CADPS: variants seen among roughly 807,000 people sequenced by gnomAD.
CADPS encodes the protein calcium-dependent secretion activator 1.
Under a neutral mutation model 167.3 loss-of-function variants are expected in CADPS, and 57 were observed. The observed-to-expected ratio is 0.34, with a 90% confidence interval of 0.28 to 0.42. CADPS has a LOEUF of 0.42. Ranked by LOEUF, CADPS falls within the 20% of genes least tolerant of loss-of-function variation. CADPS has a pLI of 1.00. For synonymous variants in CADPS, 676 were observed against 635.3 expected (o/e 1.06, Z -0.96); for missense variants, 1,414 against 1,738.1 (o/e 0.81, Z 3.32).
intron 26 of CADPS, among the ~76,000 whole-genome samples, chr3:62,447,588 G>A (rs2057407910): frequency 6.6e-6 from 1 of 152,336 alleles, no homozygotes; most frequent in South Asian, 2.1e-4. Context: ...GGGAAGCAAT[G>A]AGAGAAAGCT....
chr3:62,645,117 T>C (rs1356611280), intron 6 of CADPS, among the ~76,000 whole-genome samples: 1 of 152,154 alleles, frequency 6.6e-6, no homozygotes, highest in Non-Finnish European at 1.5e-5. Flanking sequence ...CCAAATATCA[T>C]ATGTTCTCAC....
chr3:62,453,725 T>C (rs1282438894), intron 26 of CADPS, among the ~76,000 whole-genome samples: 1 of 152,130 alleles, frequency 6.6e-6, no homozygotes, highest in Non-Finnish European at 1.5e-5. Context: ...TTCCAATACT[T>C]TCTGAGGACT....
intron 3 of CADPS, among the ~76,000 whole-genome samples, chr3:62,694,194 A>G (rs2079825689): frequency 6.6e-6 from 1 of 152,090 alleles, no homozygotes; most frequent in Admixed American, 6.6e-5. Context: ...CTATGGCAAT[A>G]ATATTAAGAT....
rs185182229 is a variant in CADPS at position 62,732,229 on chromosome 3, C to T, written c.888+21212G>A. Among the ~76,000 whole-genome samples the T allele has an allele frequency of 2.0e-5, 3 of 152,268 alleles. No individual in the cohort carries two copies. In the East Asian group the frequency reaches 5.8e-4, roughly 29 times the overall value. On this transcript the variant is annotated intron_variant, in intron 3 of 29. Coordinates refer to ENST00000383710, the MANE Select transcript of CADPS (RefSeq NM_003716.4). ...CTAACAAATCAGATACAGCAAAAGC[C>T]GTGGAATGTCACTTCAGTGATTAGG...
At chr3:62,815,854 C>T (rs1032996397) in intron 1 of CADPS, among the ~76,000 whole-genome samples, 10 of 152,036 alleles carry the variant, frequency 6.6e-5, no homozygotes, top group Non-Finnish European at 1.5e-4. Flanking sequence ...AGCAAATTTA[C>T]TTAAAAGAAG....
intron 6 of CADPS, among the ~76,000 whole-genome samples, chr3:62,630,784 T>G (rs2065128654): frequency 6.6e-6 from 1 of 152,186 alleles, no homozygotes; most frequent in South Asian, 2.1e-4. Flanking sequence ...AATAACATGT[T>G]ATAATGCTGA....
intron 3 of CADPS, among the ~76,000 whole-genome samples, chr3:62,711,204 C>G (rs564219821): frequency 8.5e-4 from 129 of 152,258 alleles, no homozygotes; most frequent in Non-Finnish European, 1.4e-3. Flanking sequence ...TTTTAAACAT[C>G]ATTTTTAATA....
intron 3 of CADPS, among the ~76,000 whole-genome samples, chr3:62,683,128 T>C (rs2077418519): frequency 6.6e-6 from 1 of 151,952 alleles, no homozygotes. Flanking sequence ...CCAAGTTGTG[T>C]GTGGGGTCTT....
At chr3:62,664,761 G>C (rs1358882824) in intron 3 of CADPS, among the ~76,000 whole-genome samples, 2 of 152,164 alleles carry the variant, frequency 1.3e-5, no homozygotes, top group Non-Finnish European at 2.9e-5. Flanking sequence ...ACAGAAGTGG[G>C]AAAATACAGC....
intron 17 of CADPS, among the ~76,000 whole-genome samples, chr3:62,505,954 A>G (rs2151424737): frequency 6.6e-6 from 1 of 152,342 alleles, no homozygotes; most frequent in Non-Finnish European, 1.5e-5. Flanking sequence ...CAGTATACAT[A>G]CAAACTACAC....
chr3:62,792,519 A>G (rs531927457), intron 1 of CADPS, among the ~76,000 whole-genome samples: 142 of 152,110 alleles, frequency 9.3e-4, no homozygotes, highest in Middle Eastern at 6.8e-3. Flanking sequence ...TAACTTTTAA[A>G]TGTCATGTCC....
intron 3 of CADPS, among the ~76,000 whole-genome samples, chr3:62,721,113 G>A (rs1407610249): frequency 4.8e-5 from 5 of 105,216 alleles, no homozygotes; most frequent in Admixed American, 1.7e-4. Context: ...CACCGTGCCC[G>A]GCAGGTTTTT....
At chr3:62,573,174 G>A (rs946407918) in intron 8 of CADPS, among the ~76,000 whole-genome samples, 26 of 152,216 alleles carry the variant, frequency 1.7e-4, no homozygotes, top group Non-Finnish European at 2.8e-4. Flanking sequence ...GAGGTACCTC[G>A]CCTGGCCCCT....
At chr3:62,685,721 A>G (rs994310870) in intron 3 of CADPS, among the ~76,000 whole-genome samples, 1 of 124 alleles carries the variant, frequency 8.1e-3, no homozygotes, top group African/African-American at 0.036. Context: ...TGGTTTCGGG[A>G]TGAAACTCTT....
chr3:62,557,538 G>A, intron 9 of CADPS, 25 bp from the exon 10 acceptor site: 2 of 1,561,914 alleles, frequency 1.3e-6, no homozygotes, highest in Non-Finnish European at 1.8e-6. Context: ...CAGATTGTGA[G>A]GTTGACCCCT....
At chr3:62,627,768 T>C (rs1034221167) in intron 6 of CADPS, among the ~76,000 whole-genome samples, 45 of 152,148 alleles carry the variant, frequency 3.0e-4, no homozygotes, top group African/African-American at 1.1e-3. Context: ...CGCTCGAGTC[T>C]GCCTTTGTTC....
At chr3:62,671,637 A>T (rs1043040159) in intron 3 of CADPS, among the ~76,000 whole-genome samples, 12 of 152,138 alleles carry the variant, frequency 7.9e-5, no homozygotes, top group Non-Finnish European at 1.5e-4. Flanking sequence ...TCTGATACAA[A>T]GCAGTTCTCC....
intron 8 of CADPS, among the ~76,000 whole-genome samples, chr3:62,583,683 C>T (rs1031522553): frequency 4.6e-5 from 7 of 152,198 alleles, no homozygotes; most frequent in African/African-American, 1.7e-4. Flanking sequence ...TGGTCTCCAG[C>T]TCACAGGTGA....
intron 9 of CADPS, among the ~76,000 whole-genome samples, chr3:62,557,832 T>G (rs761649209): frequency 3.9e-5 from 6 of 152,210 alleles, no homozygotes; most frequent in African/African-American, 7.2e-5. Flanking sequence ...ATTATCATTA[T>G]TGCTTTTAAT....
Sources: gnomAD v4.1 joint callset for allele counts (sites outside exome capture counted in the v4.1 genomes callset) on GRCh38, gnomAD v4.1.1 for gene constraint, MANE v1.5 for transcripts, NCBI Gene and HGNC (gene_info 2026-07-23, HGNC 2026-07-21) for gene names.